ADGRD1: variants seen among roughly 807,000 people sequenced by gnomAD.
ADGRD1 encodes the protein G-protein coupled receptor 133.
A neutral mutation model predicts 113.4 loss-of-function variants in ADGRD1; 77 were observed. The ratio of observed to expected loss-of-function variants is 0.68; its 90% confidence interval spans 0.57 to 0.82. The LOEUF (loss-of-function observed/expected upper bound fraction) is 0.82, where lower values mean the gene tolerates loss of function less well. ADGRD1 is among the 40% of genes least tolerant of loss of function. The pLI, the probability that ADGRD1 is intolerant of heterozygous loss-of-function variation, is 0.00. For synonymous variants in ADGRD1, 474 were observed against 475.0 expected, an observed-to-expected ratio of 1.00 and a Z score of 0.03; for missense variants, 1,036 against 1,139.1, an observed-to-expected ratio of 0.91 and a Z score of 1.30.
chr12:131,135,336 C>T (rs1038562699), intron 21 of ADGRD1, among the ~76,000 whole-genome samples: 3 of 152,148 alleles, frequency 2.0e-5, no homozygotes, highest in African/African-American at 7.2e-5. Context: ...GTCAAGAGGG[C>T]CCATGGGCTC....
chr12:131,000,463 C>T (rs551847913), intron 9 of ADGRD1, 21 bp downstream of exon 9: 28 of 1,597,758 alleles, frequency 1.8e-5, no homozygotes, highest in Middle Eastern at 2.1e-4. Flanking sequence ...AGAACATGGT[C>T]GGTCATGGTG....
At chr12:130,968,636 A>G (rs997966720) in intron 3 of ADGRD1, 27 of 271,752 alleles carry the variant, frequency 9.9e-5, no homozygotes, top group Non-Finnish European at 2.1e-5. Flanking sequence ...CCTTTTGTTG[A>G]GCCTGTGTTA....
chr12:131,089,794 G>A (rs1002059303), intron 15 of ADGRD1, among the ~76,000 whole-genome samples: 2 of 152,252 alleles, frequency 1.3e-5, no homozygotes, highest in Non-Finnish European at 2.9e-5. Context: ...AGAGTCATAG[G>A]TGATTCCCTG....
intron 13 of ADGRD1, among the ~76,000 whole-genome samples, chr12:131,033,722 G>C (rs1739226738): frequency 6.6e-6 from 1 of 152,182 alleles, no homozygotes; most frequent in Admixed American, 6.5e-5. Context: ...TGTGGTGGTT[G>C]CCAGGTCCCT....
intron 15 of ADGRD1, among the ~76,000 whole-genome samples, chr12:131,101,377 C>CTTTCTTTTT (rs1950076237): frequency 2.8e-5 from 1 of 36,132 alleles, no homozygotes; most frequent in African/African-American, 9.2e-5. Context: ...TTCTTTCTTT[C>CTTTCTTTTT]TTTTTTTTTT....
intron 14 of ADGRD1, among the ~76,000 whole-genome samples, chr12:131,080,810 C>T (rs895357483): frequency 1.3e-4 from 20 of 152,072 alleles, no homozygotes; most frequent in African/African-American, 3.1e-4. Context: ...TTAGTAGAGA[C>T]GGGGTTTCAC....
At chr12:131,010,428 G>A (rs935516836) in intron 12 of ADGRD1, among the ~76,000 whole-genome samples, 1 of 152,230 alleles carries the variant, frequency 6.6e-6, no homozygotes, top group Non-Finnish European at 1.5e-5. Flanking sequence ...GTGAGGACTT[G>A]ATAATTCTCC....
chr12:131,138,174 C>T lies in ADGRD1; in HGVS notation c.2474C>T (p.Ser825Leu), dbSNP rs777694390. The change falls in exon 24 of 25, where the codon TCG (serine) becomes TTG (leucine). Residue 825 changes from serine (S) to leucine (L), a missense_variant. Physicochemically the swap from Ser to Leu is moderately radical, Grantham distance 145. Coordinates refer to ENST00000261654, the MANE Select transcript of ADGRD1 (RefSeq NM_198827.5). ...TTCAAGCACAAAACCAAGGTCTGGT[C>T]GCTCACGAGCAGCTCTGCCCGCACC... ...AAFKHKTKVW[S>L]LTSSSARTSN... The T allele has an allele frequency of 2.4e-5, 39 of 1,613,558 alleles. No individual in the cohort carries two copies. The highest frequency in any genetic ancestry group is 3.2e-5 in the Non-Finnish European group (38 of 1,179,974).
At chr12:131,122,767 C>T (rs991238591) in intron 20 of ADGRD1, among the ~76,000 whole-genome samples, 2 of 152,216 alleles carry the variant, frequency 1.3e-5, no homozygotes, top group Admixed American at 6.5e-5. Flanking sequence ...CTGTCCTGGT[C>T]ATCTGGCTTT....
intron 13 of ADGRD1, among the ~76,000 whole-genome samples, chr12:131,071,962 C>G (rs1885215051): frequency 1.3e-5 from 2 of 150,680 alleles, no homozygotes; most frequent in Admixed American, 1.3e-4. Context: ...CCACTGAGAG[C>G]CGCGTGACTG....
At chr12:131,086,345 T>C (rs1886466552) in intron 15 of ADGRD1, among the ~76,000 whole-genome samples, 1 of 152,160 alleles carries the variant, frequency 6.6e-6, no homozygotes, top group African/African-American at 2.4e-5. Flanking sequence ...TGGGAGACTT[T>C]TCCTATTCCA....
At chr12:131,073,437 C>T (rs552452070) in intron 13 of ADGRD1, among the ~76,000 whole-genome samples, 1 of 152,230 alleles carries the variant, frequency 6.6e-6, no homozygotes, top group Non-Finnish European at 1.5e-5. Flanking sequence ...CCACTGAGAT[C>T]CACCTGCACC....
At chr12:131,129,648 C>T (rs1174857541) in intron 20 of ADGRD1, among the ~76,000 whole-genome samples, 1 of 152,210 alleles carries the variant, frequency 6.6e-6, no homozygotes, top group Non-Finnish European at 1.5e-5. Flanking sequence ...TGCAGAATGG[C>T]AGAGTCAGGA....
intron 13 of ADGRD1, among the ~76,000 whole-genome samples, chr12:131,048,284 C>T (rs1883041894): frequency 6.6e-6 from 1 of 152,222 alleles, no homozygotes; most frequent in South Asian, 2.1e-4. Flanking sequence ...TGGGCAGCCC[C>T]GCACCATCTG....
chr12:131,034,654 A>C (rs1335678153), intron 13 of ADGRD1, among the ~76,000 whole-genome samples: 1 of 152,244 alleles, frequency 6.6e-6, no homozygotes, highest in East Asian at 1.9e-4. Flanking sequence ...AGAACCTGGC[A>C]TATGACAGGG....
chr12:130,993,260 C>T (rs908168619), intron 8 of ADGRD1, among the ~76,000 whole-genome samples: 8 of 151,994 alleles, frequency 5.3e-5, no homozygotes, highest in African/African-American at 1.9e-4. Flanking sequence ...GCTGAAGTCA[C>T]ACCCAAAGAA....
intron 14 of ADGRD1, among the ~76,000 whole-genome samples, chr12:131,080,973 G>C (rs1287995891): frequency 3.3e-5 from 5 of 152,126 alleles, no homozygotes; most frequent in Admixed American, 1.3e-4. Flanking sequence ...TTAGGTGCAT[G>C]TATGTTTAGG....
chr12:131,030,628 G>C (rs1880601059), intron 13 of ADGRD1: 1 of 152,284 alleles, frequency 6.6e-6, no homozygotes, highest in African/African-American at 2.4e-5. Context: ...TGCACATCGG[G>C]GCAGGTGAGG....
At chr12:130,957,076 T>G (rs1280430578) in intron 2 of ADGRD1, 1 of 152,100 alleles carries the variant, frequency 6.6e-6, no homozygotes, top group Non-Finnish European at 1.5e-5. Context: ...CACACATGTG[T>G]CCACACAATT....
Sources: allele counts gnomAD v4.1 joint callset (sites outside exome capture counted in the v4.1 genomes callset), GRCh38; gene constraint gnomAD v4.1.1; transcripts MANE v1.5; gene names NCBI Gene and HGNC (gene_info 2026-07-23, HGNC 2026-07-21).